ZNF626: variants seen among roughly 807,000 people sequenced by gnomAD.
ZNF626 encodes the protein CTC-513N18.7.
Under a neutral mutation model 11.7 loss-of-function variants are expected in ZNF626, and 4 were observed. The observed-to-expected ratio is 0.34, with a 90% CI of 0.17 to 0.78. ZNF626 has a LOEUF of 0.78. Among genes scored for constraint, ZNF626 ranks in the 30% least tolerant of loss-of-function variants. ZNF626 has a pLI of 0.57. For missense variants in ZNF626, 588 were observed against 587.1 expected, an observed-to-expected ratio of 1.00 and a Z score of -0.01; for synonymous variants, 179 against 198.6, an observed-to-expected ratio of 0.90 and a Z score of 0.83.
At chr19:20,654,994 C>G (rs1970189170) in intron 1 of ZNF626, among the ~76,000 whole-genome samples, 1 of 151,814 alleles carries the variant, frequency 6.6e-6, no homozygotes, top group Non-Finnish European at 1.5e-5. Flanking sequence ...TGCCTGTAAA[C>G]CCAGCTACTC....
rs782022608 is a variant in ZNF626 at position 20,625,541 on chromosome 19, CTG to C, written c.334_335del (p.Gln112ValfsTer10). The C allele has an allele frequency of 1.9e-6, 3 of 1,613,390 alleles. No individual in the cohort carries two copies. The South Asian group carries it at 3.3e-5, about 18-fold the overall frequency. On this transcript the variant is annotated frameshift_variant, in exon 4 of 4. Coordinates refer to ENST00000601440, the MANE Select transcript of ZNF626 (RefSeq NM_001076675.3). LOFTEE classifies it low-confidence loss of function (END_TRUNC). ...CCACACTTATACATCCTTTTTTTAA[CTG>C]TAAATTGTCATGTTCACATTTTTCA... ...RYEKCEHDNL[Q>X]LKKGCISVDE...
intron 3 of ZNF626, among the ~76,000 whole-genome samples, chr19:20,640,836 A>G (rs1376805923): frequency 6.6e-6 from 1 of 152,122 alleles, no homozygotes. Flanking sequence ...TTTCTCATTT[A>G]TAAATCTATA....
intron 1 of ZNF626, among the ~76,000 whole-genome samples, chr19:20,646,810 T>A (rs1005400420): frequency 1.3e-5 from 2 of 152,180 alleles, no homozygotes; most frequent in African/African-American, 4.8e-5. Context: ...GCAGGTTTTT[T>A]TTCCCCCAGA....
Position 20,624,775 on chromosome 19 carries a change from G to C in ZNF626, c.1102C>G (p.Pro368Ala). 2 of 1,612,198 alleles carry C rather than the reference G, an allele frequency of 1.2e-6. No individual in the cohort carries two copies. Among genetic ancestry groups the C allele is most frequent in the Non-Finnish European group, 1.7e-6 (2 of 1,179,186 alleles). Reference protein sequence around the residue: ...THKRIHTGEKPYKCEECGKAF... With the variant: ...THKRIHTGEKAYKCEECGKAF... ...TTGCCACATTCTTCACATTTGTAGG[G>C]TTTCTCTCCAGTATGAATTCTCTTA... The change falls in exon 4 of 4, where the codon CCC (proline) becomes GCC (alanine). Residue 368 changes from proline (P) to alanine (A), a missense_variant. Physicochemically the swap from Pro to Ala is conservative, Grantham distance 27 (BLOSUM62 -1). Transcript: ENST00000601440.
chr19:20,661,374 G>A (rs1250074828), intron 1 of ZNF626, 70 bp downstream of exon 1: 77 of 1,604,634 alleles, frequency 4.8e-5, no homozygotes, highest in Non-Finnish European at 6.1e-5. Flanking sequence ...CCTGAGTCCC[G>A]CCACAGCCAC....
At chr19:20,628,532 A>G (rs1969866199) in intron 3 of ZNF626, among the ~76,000 whole-genome samples, 1 of 152,220 alleles carries the variant, frequency 6.6e-6, no homozygotes, top group East Asian at 1.9e-4. Context: ...GATGGCCAGT[A>G]ATTATCAGCA....
chr19:20,655,890 G>A (rs1357321064), intron 1 of ZNF626, among the ~76,000 whole-genome samples: 1 of 151,540 alleles, frequency 6.6e-6, no homozygotes, highest in Non-Finnish European at 1.5e-5. Flanking sequence ...AGCCGAGATC[G>A]CGCCACTGCA....
intron 3 of ZNF626, among the ~76,000 whole-genome samples, chr19:20,642,525 G>A (rs902150599): frequency 6.6e-6 from 1 of 152,204 alleles, no homozygotes; most frequent in East Asian, 1.9e-4. Flanking sequence ...GAACTTGGAA[G>A]GCGGAGGTTG....
chr19:20,655,238 T>C (rs552440942), intron 1 of ZNF626, among the ~76,000 whole-genome samples: 1 of 152,386 alleles, frequency 6.6e-6, no homozygotes, highest in Admixed American at 6.5e-5. Context: ...GTTCAGTTTA[T>C]ACCCTGAACT....
chr19:20,642,801 T>A (rs868931638), intron 3 of ZNF626, among the ~76,000 whole-genome samples: 12 of 152,038 alleles, frequency 7.9e-5, no homozygotes, highest in African/African-American at 1.7e-4. Flanking sequence ...GCGGATCACC[T>A]GAGGTCAGGT....
chr19:20,628,057 G>A (rs1175892429), intron 3 of ZNF626, among the ~76,000 whole-genome samples: 3 of 152,108 alleles, frequency 2.0e-5, no homozygotes, highest in Admixed American at 2.0e-4. Flanking sequence ...GCGATAGTTT[G>A]CTGAGAATGA....
intron 1 of ZNF626, among the ~76,000 whole-genome samples, chr19:20,652,484 T>C (rs10408387): frequency 0.11 from 16,661 of 152,158 alleles, 2,717 homozygotes; most frequent in African/African-American, 0.36. Flanking sequence ...AAATTGTTTG[T>C]CAGAAATTTC....
intron 3 of ZNF626, among the ~76,000 whole-genome samples, chr19:20,634,938 CAT>C: frequency 6.6e-6 from 1 of 152,176 alleles, no homozygotes; most frequent in East Asian, 1.9e-4. Flanking sequence ...GAATGCAGCA[CAT>C]ATGTTAGCTT....
intron 1 of ZNF626, among the ~76,000 whole-genome samples, chr19:20,660,665 A>G (rs1003690281): frequency 6.6e-6 from 1 of 151,962 alleles, no homozygotes; most frequent in African/African-American, 2.4e-5. Context: ...CACGTGATCC[A>G]CCTGCCTCGG....
At chr19:20,638,919 T>C (rs1555771162) in intron 3 of ZNF626, among the ~76,000 whole-genome samples, 1 of 152,146 alleles carries the variant, frequency 6.6e-6, no homozygotes, top group East Asian at 1.9e-4. Flanking sequence ...ATAGACTATG[T>C]TATTTATTTT....
At chr19:20,642,349 C>T (rs188410750) in intron 3 of ZNF626, among the ~76,000 whole-genome samples, 2 of 152,276 alleles carry the variant, frequency 1.3e-5, no homozygotes, top group Non-Finnish European at 2.9e-5. Flanking sequence ...ACTATAATTG[C>T]AGCACTTTGG....
At chr19:20,660,231 C>A (rs938366186) in intron 1 of ZNF626, among the ~76,000 whole-genome samples, 3 of 128,344 alleles carry the variant, frequency 2.3e-5, no homozygotes, top group African/African-American at 9.7e-5. Context: ...GCACCACAAG[C>A]GACACTGTGT....
intron 3 of ZNF626, among the ~76,000 whole-genome samples, chr19:20,626,531 A>G (rs2144764222): frequency 6.6e-6 from 1 of 152,296 alleles, no homozygotes; most frequent in African/African-American, 2.4e-5. Flanking sequence ...CAGCCTGGCC[A>G]ACATGGTGAA....
intron 1 of ZNF626, among the ~76,000 whole-genome samples, chr19:20,650,351 T>TATA (rs1555772461): frequency 3.3e-5 from 5 of 152,326 alleles, no homozygotes; most frequent in African/African-American, 1.2e-4. Context: ...CTGTTTATAT[T>TATA]TACATTTTTG....
Sources: allele counts gnomAD v4.1 joint callset (sites outside exome capture counted in the v4.1 genomes callset), GRCh38; gene constraint gnomAD v4.1.1; transcripts MANE v1.5; gene names NCBI Gene and HGNC (gene_info 2026-07-23, HGNC 2026-07-21).